TLK1: variants seen among roughly 807,000 people sequenced by gnomAD.
The protein encoded by TLK1 is tousled like kinase 1.
In TLK1, 24 loss-of-function variants were observed where a neutral mutation model predicts 105.3. The ratio of observed to expected loss-of-function variants is 0.23; its 90% CI spans 0.17 to 0.32. TLK1 has a LOEUF of 0.32. Among genes scored for constraint, TLK1 ranks in the 10% least tolerant of loss-of-function variants. The pLI, the probability that TLK1 is intolerant of heterozygous loss-of-function variation, is 1.00. For missense variants in TLK1, 558 were observed against 910.5 expected (o/e 0.61, Z 4.98); for synonymous variants, 321 against 310.4 (o/e 1.03, Z -0.36).
intron 2 of TLK1, among the ~76,000 whole-genome samples, chr2:171,115,086 A>G (rs917377606): frequency 6.6e-6 from 1 of 152,022 alleles, no homozygotes; most frequent in African/African-American, 2.4e-5. Flanking sequence ...TAGTAAAATA[A>G]ATCATCTTTC....
At position 171,007,067 on chromosome 2, in the gene TLK1, G is replaced by A. The variant is rs1684683485; in HGVS notation, c.1417-4C>T. ...TTTGTTCATAAAGGTCAAAAGCCTA[G>A]GATTTCAAGTCAAAAACAATTAAGA... On this transcript the variant is annotated splice_region_variant and splice_polypyrimidine_tract_variant and intron_variant, in intron 14 of 20. Coordinates refer to ENST00000431350, the MANE Select transcript of TLK1 (RefSeq NM_012290.5). The A allele has an allele frequency of 6.3e-7, 1 of 1,587,108 alleles. No individual in the cohort carries two copies. The highest frequency in any genetic ancestry group is 1.4e-5 in the African/African-American group (1 of 73,192).
intron 10 of TLK1, among the ~76,000 whole-genome samples, chr2:171,047,732 T>C (rs1394981133): frequency 2.0e-5 from 3 of 152,206 alleles, no homozygotes; most frequent in African/African-American, 7.2e-5. Context: ...AAAATATTAA[T>C]GGAAAGTAAA....
chr2:171,181,920 A>G lies in TLK1; in HGVS notation c.-6+49225T>C, dbSNP rs143814749. On this transcript the variant is annotated intron_variant, in intron 1 of 20. Coordinates refer to the TLK1 transcript ENST00000521943. ...GCTTTACTTCCTTCCTTATCCAGCT[A>G]CGCCCCACAATCCATCTCTTCGATC... 4.6e-5 allele frequency among the ~76,000 whole-genome samples: 7 copies of G among 152,210 alleles called. No individual in the cohort carries two copies. In the East Asian group the frequency reaches 1.4e-3, roughly 29 times the overall value.
At chr2:171,070,923 T>C (rs1688223374) in intron 3 of TLK1, among the ~76,000 whole-genome samples, 1 of 152,200 alleles carries the variant, frequency 6.6e-6, no homozygotes, top group South Asian at 2.1e-4. Context: ...TCCACATCCT[T>C]GCCAGCATTT....
intron 2 of TLK1, among the ~76,000 whole-genome samples, chr2:171,108,309 G>C (rs910232973): frequency 6.6e-6 from 1 of 152,140 alleles, no homozygotes; most frequent in African/African-American, 2.4e-5. Context: ...TGCAGTTTGA[G>C]AGAGCATTTT....
intron 2 of TLK1, among the ~76,000 whole-genome samples, chr2:171,111,533 C>T (rs1263348170): frequency 6.7e-6 from 1 of 149,738 alleles, no homozygotes; most frequent in Non-Finnish European, 1.5e-5. Context: ...TGCAGTGAGC[C>T]GAGATCACAC....
intron 1 of TLK1, among the ~76,000 whole-genome samples, chr2:171,223,798 A>ATTT (rs1273261078): frequency 2.4e-5 from 3 of 127,238 alleles, no homozygotes; most frequent in South Asian, 2.5e-4. Context: ...TTTAAAATCA[A>ATTT]TTTTTTTTTT....
At chr2:171,033,355 A>G (rs1686141873) in intron 11 of TLK1, among the ~76,000 whole-genome samples, 1 of 152,152 alleles carries the variant, frequency 6.6e-6, no homozygotes, top group Non-Finnish European at 1.5e-5. Flanking sequence ...AAAATTAAAA[A>G]CATTAAAAAT....
intron 18 of TLK1, among the ~76,000 whole-genome samples, chr2:171,004,492 T>C (rs1382686065): frequency 6.6e-6 from 1 of 152,206 alleles, no homozygotes; most frequent in East Asian, 1.9e-4. Flanking sequence ...GAGAAATACA[T>C]TCCATGTTCC....
intron 1 of TLK1, among the ~76,000 whole-genome samples, chr2:171,123,444 C>T (rs1690741358): frequency 6.6e-6 from 1 of 152,060 alleles, no homozygotes; most frequent in Non-Finnish European, 1.5e-5. Flanking sequence ...CTCAAGTGAT[C>T]AGCCCACCTG....
rs549593283 is a variant in TLK1, at chr2:171,108,334, CACTCTAT to C, written c.258+9398_258+9404del. On this transcript the variant is annotated intron_variant, in intron 2 of 20. Transcript: ENST00000431350. ...GAGAGCATTTTTAGTGTTATAATGA[CACTCTAT>C]ACTCATATACTATACACTACACTGA... Among the ~76,000 whole-genome samples, 80 of 152,170 alleles carry C rather than the reference CACTCTAT, an allele frequency of 5.3e-4. 1 individual carries two copies. The highest frequency in any genetic ancestry group is 4.6e-3 in the South Asian group (22 of 4,814).
At chr2:171,059,910 G>T in intron 4 of TLK1, 1 of 1,292,116 alleles carries the variant, frequency 7.7e-7, no homozygotes, top group South Asian at 1.2e-5. Flanking sequence ...AATGCTCACT[G>T]GCCCGCTGCT....
chr2:171,015,415 A>ACAC (rs1685127666), intron 12 of TLK1, among the ~76,000 whole-genome samples: 1 of 132,638 alleles, frequency 7.5e-6, no homozygotes, highest in Non-Finnish European at 1.6e-5. Flanking sequence ...TTGGAGTACA[A>ACAC]ACACACACAC....
chr2:171,154,613 A>G (rs1406830299), intron 1 of TLK1: 1 of 152,256 alleles, frequency 6.6e-6, no homozygotes, highest in African/African-American at 2.4e-5. Flanking sequence ...AAGGTCACAC[A>G]GCTAGTTAAT....
At chr2:171,064,843 G>A (rs1687914932) in intron 3 of TLK1, among the ~76,000 whole-genome samples, 1 of 152,114 alleles carries the variant, frequency 6.6e-6, no homozygotes, top group African/African-American at 2.4e-5. Context: ...CAAGATATTA[G>A]TGTGAATTTA....
intron 2 of TLK1, among the ~76,000 whole-genome samples, chr2:171,095,083 T>C (rs1452383479): frequency 3.9e-5 from 6 of 152,226 alleles, no homozygotes; most frequent in African/African-American, 1.4e-4. Flanking sequence ...TTGAGATGAA[T>C]GAAAACAAAA....
At chr2:171,081,863 T>C (rs1045867407) in intron 3 of TLK1, among the ~76,000 whole-genome samples, 1 of 152,186 alleles carries the variant, frequency 6.6e-6, no homozygotes, top group African/African-American at 2.4e-5. Flanking sequence ...TGAAGTTCCC[T>C]TTCCTCTGAA....
chr2:171,093,120 T>C (rs1689306184), intron 2 of TLK1, among the ~76,000 whole-genome samples: 1 of 152,224 alleles, frequency 6.6e-6, no homozygotes. Flanking sequence ...GATACACTGT[T>C]TTGATTTCTT....
At position 170,992,843 on chromosome 2, in the gene TLK1, C is replaced by A. The variant is rs750540007; in HGVS notation, c.*937G>T. ...AAAAGCCATATTTTAAACATTTGTACAAGAATAAGCTGCTGAAACTTAGTA... is the reference window on the plus strand; with the variant it reads ...AAAAGCCATATTTTAAACATTTGTAAAAGAATAAGCTGCTGAAACTTAGTA... On this transcript the variant is annotated 3_prime_UTR_variant, in exon 21 of 21. Transcript: ENST00000431350. 1 of 152,522 alleles carries A rather than the reference C, an allele frequency of 6.6e-6. No homozygotes were observed. Among genetic ancestry groups the A allele is most frequent in the Non-Finnish European group, 1.5e-5 (1 of 67,994 alleles). 9.4% of individuals were successfully genotyped at this position (152,522 alleles called of 1,614,324 possible). A position where few individuals can be genotyped will look rare whatever the true frequency, so the allele number is the denominator to read the frequency against.
Sources: gnomAD v4.1 joint callset for allele counts (sites outside exome capture counted in the v4.1 genomes callset) on GRCh38, gnomAD v4.1.1 for gene constraint, MANE v1.5 for transcripts, NCBI Gene and HGNC (gene_info 2026-07-23, HGNC 2026-07-21) for gene names.